Variants in ACCSL observed in about 807,000 individuals in gnomAD.
The protein encoded by ACCSL is 1-aminocyclopropane-1-carboxylate synthase homolog (inactive) like, also known as probable inactive 1-aminocyclopropane-1-carboxylate synthase-like protein 2.
In ACCSL, 55 loss-of-function variants were observed where a neutral mutation model predicts 61.7. The observed-to-expected ratio is 0.89, with a 90% confidence interval of 0.72 to 1.12. The LOEUF (loss-of-function observed/expected upper bound fraction) is 1.12. Among genes scored for constraint, ACCSL ranks in the 50% most tolerant of loss-of-function variants. The pLI, the probability that ACCSL is intolerant of heterozygous loss-of-function variation, is 0.00. For missense variants in ACCSL, 632 were observed against 698.0 expected (o/e 0.91, Z 1.07); for synonymous variants, 258 against 264.3 (o/e 0.98, Z 0.23).
chr11:43,938,470 A>G, the ACCSL span, among the ~76,000 whole-genome samples: 1 of 152,224 alleles, frequency 6.6e-6, no homozygotes, highest in Non-Finnish European at 1.5e-5. Context: ...TGACAGAGTT[A>G]TGAAGTCTAT....
chr11:43,952,558 T>C, the ACCSL span, among the ~76,000 whole-genome samples: 1 of 152,202 alleles, frequency 6.6e-6, no homozygotes, highest in Non-Finnish European at 1.5e-5. Flanking sequence ...AAACTCCCTG[T>C]CCTGTTCTGT....
At chr11:43,959,207 C>T in the ACCSL span, among the ~76,000 whole-genome samples, 7 of 152,264 alleles carry the variant, frequency 4.6e-5, no homozygotes, top group Non-Finnish European at 1.0e-4. Context: ...GGCGAGCCGG[C>T]GATGCACACC....
the ACCSL span, among the ~76,000 whole-genome samples, chr11:43,987,093 T>A: frequency 2.0e-5 from 3 of 148,956 alleles, no homozygotes; most frequent in Non-Finnish European, 4.5e-5. Context: ...CACCCCCGAG[T>A]CTTCTTCAAG....
the ACCSL span, among the ~76,000 whole-genome samples, chr11:44,005,984 C>T: frequency 6.6e-6 from 1 of 152,180 alleles, no homozygotes; most frequent in African/African-American, 2.4e-5. Flanking sequence ...CCCAAGTTTG[C>T]AGGGTGTGTT....
the ACCSL span, among the ~76,000 whole-genome samples, chr11:43,950,348 T>C: frequency 2.6e-5 from 4 of 152,204 alleles, no homozygotes; most frequent in Non-Finnish European, 5.9e-5. Flanking sequence ...ACTTTCTAAA[T>C]TGATTGAGAC....
At chr11:43,972,621 T>C in the ACCSL span, among the ~76,000 whole-genome samples, 5 of 152,122 alleles carry the variant, frequency 3.3e-5, no homozygotes, top group East Asian at 1.9e-4. Context: ...CTGCCTGTAA[T>C]AGTATGGTGT....
chr11:44,002,163 T>C, the ACCSL span, among the ~76,000 whole-genome samples: 4 of 152,100 alleles, frequency 2.6e-5, no homozygotes, highest in African/African-American at 9.7e-5. Flanking sequence ...CAGGTCCTCC[T>C]TCCTCCTGTG....
At chr11:44,024,008 G>A in the ACCSL span, among the ~76,000 whole-genome samples, 3 of 152,094 alleles carry the variant, frequency 2.0e-5, no homozygotes, top group African/African-American at 7.2e-5. Context: ...ATTTGACTGG[G>A]GCAATGGGTA....
the ACCSL span, among the ~76,000 whole-genome samples, chr11:43,987,285 C>G: frequency 6.6e-6 from 1 of 152,238 alleles, no homozygotes; most frequent in African/African-American, 2.4e-5. Flanking sequence ...CCAACCCACT[C>G]TGGTAGCTTT....
At chr11:43,934,001 C>T in the ACCSL span, among the ~76,000 whole-genome samples, 49 of 152,220 alleles carry the variant, frequency 3.2e-4, no homozygotes, top group South Asian at 1.4e-3. Flanking sequence ...GCCACCGGGG[C>T]GGGGCACTGG....
chr11:44,051,255 T>G lies in ACCSL; in HGVS notation c.636-80T>G, dbSNP rs913758732. 2.5e-5 allele frequency: 37 copies of G among 1,456,122 alleles called. 1 individual carries two copies. Among genetic ancestry groups the G allele is most frequent in the Non-Finnish European group, 3.6e-5 (37 of 1,036,074 alleles). The allele number at this position is 1,456,122 out of a possible 1,614,324, so 90.2% of individuals were successfully genotyped here. A position where few individuals can be genotyped will look rare whatever the true frequency, so the allele number is the denominator to read the frequency against. Reference sequence around the variant, plus strand: ...TGGACTGAGTAGAAAAGGTCCCTGTTAGGCTGGACAATGACCATCTAGACC... The same window carrying G: ...TGGACTGAGTAGAAAAGGTCCCTGTGAGGCTGGACAATGACCATCTAGACC... On this transcript the variant is annotated intron_variant, in intron 3 of 13. Coordinates refer to ENST00000378832, the MANE Select transcript of ACCSL (RefSeq NM_001031854.2).
chr11:43,943,157 C>A, the ACCSL span: 1 of 1,503,964 alleles, frequency 6.6e-7, no homozygotes, highest in African/African-American at 1.4e-5. The surrounding 1 kb of genome is among the most constrained non-coding windows in gnomAD (Gnocchi z 4.8). Flanking sequence ...GTCGTTCCTG[C>A]AGAGCCTGGA....
the ACCSL span, among the ~76,000 whole-genome samples, chr11:43,996,852 A>C: frequency 1.4e-5 from 2 of 140,434 alleles, no homozygotes; most frequent in African/African-American, 2.7e-5. Flanking sequence ...TCGCTCTGTC[A>C]CCCAGGCTAA....
chr11:43,927,112 A>G, the ACCSL span, among the ~76,000 whole-genome samples: 1 of 152,376 alleles, frequency 6.6e-6, no homozygotes, highest in East Asian at 1.9e-4. Context: ...AAAAGAAAAA[A>G]TTACCATCTT....
the ACCSL span, among the ~76,000 whole-genome samples, chr11:43,989,171 C>G: frequency 6.6e-6 from 1 of 152,210 alleles, no homozygotes; most frequent in Non-Finnish European, 1.5e-5. Flanking sequence ...GGAGGCTCAG[C>G]GCTGGGTTCA....
rs552792199 is a variant in ACCSL at position 44,049,307 on chromosome 11, C to G, written c.505-755C>G. ...TGGTGGCACACACCTATAGTCCCAACTATCTGGGAAGCTAAGGTGGGAGGA... is the reference window on the plus strand; with the variant it reads ...TGGTGGCACACACCTATAGTCCCAAGTATCTGGGAAGCTAAGGTGGGAGGA... On this transcript the variant is annotated intron_variant, in intron 1 of 13. Transcript: ENST00000378832. 3.6e-4 allele frequency among the ~76,000 whole-genome samples: 53 copies of G among 149,086 alleles called. 1 individual carries two copies. The highest frequency in any genetic ancestry group is 1.3e-3 in the African/African-American group (51 of 40,458).
At chr11:44,051,865 T>C in intron 5 of ACCSL, 146 bp downstream of exon 5, 1 of 889,688 alleles carries the variant, frequency 1.1e-6, no homozygotes, top group East Asian at 2.4e-5. Context: ...ACTGACTAGG[T>C]TATCTTCCTA....
Position 44,053,513 on chromosome 11 carries a change from G to A in ACCSL, c.1049+7G>A, listed in dbSNP as rs1263459461. On this transcript the variant is annotated splice_region_variant and intron_variant, in intron 8 of 13. Coordinates refer to ENST00000378832, the MANE Select transcript of ACCSL (RefSeq NM_001031854.2). ...ACCTGGAATTTGCCAAGAGGTATGA[G>A]TTCTACCCCTTGAGACTAGGTAATG... 6.2e-7 allele frequency: 1 copy of A among 1,606,094 alleles called. No individual in the cohort carries two copies. The highest frequency in any genetic ancestry group is 8.5e-7 in the Non-Finnish European group (1 of 1,172,712).
chr11:43,939,343 A>G, the ACCSL span, among the ~76,000 whole-genome samples: 2 of 152,218 alleles, frequency 1.3e-5, no homozygotes, highest in South Asian at 4.1e-4. Flanking sequence ...GGTTTTATAC[A>G]TGGCAGTTTC....
Sources: allele counts gnomAD v4.1 joint callset (sites outside exome capture counted in the v4.1 genomes callset), GRCh38; gene constraint gnomAD v4.1.1; non-coding constraint Gnocchi (gnomAD v3.1); transcripts MANE v1.5; gene names NCBI Gene and HGNC (gene_info 2026-07-23, HGNC 2026-07-21).